The following GATA3 variants were observed in gnomAD, a reference collection of about 807,000 sequenced individuals.
The protein encoded by GATA3 is GATA binding protein 3, also known as trans-acting T-cell-specific transcription factor GATA-3.
Under a neutral mutation model 36.0 loss-of-function variants are expected in GATA3, and 6 were observed. That is an observed-to-expected ratio of 0.17 (90% CI 0.09 to 0.33). The LOEUF is 0.33. Ranked by LOEUF, GATA3 falls within the 10% of genes least tolerant of loss-of-function variation. The pLI, the probability that GATA3 is intolerant of heterozygous loss-of-function variation, is 1.00. For synonymous variants in GATA3, 326 were observed against 273.0 expected (o/e 1.19, Z -1.92); for missense variants, 514 against 610.1 (o/e 0.84, Z 1.66).
Position 8,055,803 on chromosome 10 carries a change from CTTT to C in GATA3, c.151_153del (p.Phe51del). 2 of 1,593,502 alleles carry C rather than the reference CTTT, an allele frequency of 1.3e-6. No homozygotes were observed. Among genetic ancestry groups the C allele is most frequent in the Non-Finnish European group, 1.7e-6 (2 of 1,170,152 alleles). ...CCCGCTGCCGGAGGAGGTGGATGTG[CTTT>C]TTAACATCGACGGTCAAGGCAACCA... On this transcript the variant is annotated inframe_deletion, in exon 2 of 6. Transcript: ENST00000379328. This position sits in a 1 kb window ranked among gnomAD's most constrained non-coding sequence, Gnocchi z 5.4.
In GATA3 at chr10:8,055,951, C is replaced by T. The variant is rs1390194631; in HGVS notation, c.241+55C>T. The T allele has an allele frequency of 1.3e-6, 2 of 1,548,370 alleles. No individual in the cohort carries two copies. Among genetic ancestry groups the T allele is most frequent in the Non-Finnish European group, 1.7e-6 (2 of 1,145,472 alleles). On this transcript the variant is annotated intron_variant, in intron 2 of 5. Coordinates refer to ENST00000379328, the MANE Select transcript of GATA3 (RefSeq NM_001002295.2). This position sits in a 1 kb window ranked among gnomAD's most constrained non-coding sequence, Gnocchi z 5.4. Reference sequence around the variant, plus strand: ...GCCGGCCGCTTCAGCCGTCCCGGCTCGGGGAGGTCGGGAGGGACCTGAGGG... The same window carrying T: ...GCCGGCCGCTTCAGCCGTCCCGGCTTGGGGAGGTCGGGAGGGACCTGAGGG...
chr10:8,074,807 A>T lies in GATA3; in HGVS notation c.*784A>T. On this transcript the variant is annotated 3_prime_UTR_variant, in exon 6 of 6. Coordinates refer to ENST00000379328, the MANE Select transcript of GATA3 (RefSeq NM_001002295.2). ...AAATTTATTTACTGCTAGTCTTAAG[A>T]ACTGCTTTCTTTCGTTTGTTTGTTT... 4.3e-6 allele frequency: 1 copy of T among 233,760 alleles called. No homozygotes were observed. Among genetic ancestry groups the T allele is most frequent in the Non-Finnish European group, 8.5e-6 (1 of 118,072 alleles). 14.5% of individuals were successfully genotyped at this position (233,760 alleles called of 1,614,324 possible).
At position 8,055,905 on chromosome 10, in the gene GATA3, G is replaced by A. The variant is rs753449980; in HGVS notation, c.241+9G>A. The A allele has an allele frequency of 6.4e-7, 1 of 1,553,148 alleles. No individual in the cohort carries two copies. Among genetic ancestry groups the A allele is most frequent in the Non-Finnish European group, 8.7e-7 (1 of 1,148,310 alleles). On this transcript the variant is annotated intron_variant, in intron 2 of 5. Coordinates refer to ENST00000379328, the MANE Select transcript of GATA3 (RefSeq NM_001002295.2). This position sits in a 1 kb window ranked among gnomAD's most constrained non-coding sequence, Gnocchi z 5.4. ...CCCTCCGACCCACCACGGTGAGTGC[G>A]CCCGGGGTGCCGGGGCTCCCGCCGG...
intron 2 of GATA3, among the ~76,000 whole-genome samples, chr10:8,057,156 T>C (rs1832654038): frequency 6.6e-6 from 1 of 152,128 alleles, no homozygotes; most frequent in South Asian, 2.1e-4. Flanking sequence ...AATATGAATC[T>C]TGACCCTTGG....
intron 3 of GATA3, among the ~76,000 whole-genome samples, chr10:8,061,415 C>T (rs986083828): frequency 1.3e-5 from 2 of 152,282 alleles, no homozygotes; most frequent in African/African-American, 4.8e-5. Context: ...GAGCAAGAGG[C>T]ATTTGCCAGC....
At position 8,074,036 on chromosome 10, in the gene GATA3, T is replaced by A; in HGVS notation, c.*13T>A. Reference sequence around the variant, plus strand: ...CGCCATGGGTTAGAGCCCTGCTCGATGCTCACAGGGCCCCCAGCGAGAGTC... The same window carrying A: ...CGCCATGGGTTAGAGCCCTGCTCGAAGCTCACAGGGCCCCCAGCGAGAGTC... On this transcript the variant is annotated 3_prime_UTR_variant, in exon 6 of 6. Coordinates refer to ENST00000379328, the MANE Select transcript of GATA3 (RefSeq NM_001002295.2). 1 of 1,613,622 alleles carries A rather than the reference T, an allele frequency of 6.2e-7. No homozygotes were observed. Among genetic ancestry groups the A allele is most frequent in the Non-Finnish European group, 8.5e-7 (1 of 1,179,704 alleles).
intron 4 of GATA3, among the ~76,000 whole-genome samples, chr10:8,066,768 A>G (rs936734175): frequency 1.3e-5 from 2 of 152,212 alleles, no homozygotes; most frequent in South Asian, 2.1e-4. Flanking sequence ...TTGCTTTAAT[A>G]TACTGTACCT....
rs757596536 is a variant in GATA3, at chr10:8,055,929, G to A, written c.241+33G>A. 1.3e-6 allele frequency: 2 copies of A among 1,550,000 alleles called. No homozygotes were observed. Among genetic ancestry groups the A allele is most frequent in the African/African-American group, 1.4e-5 (1 of 73,004 alleles). ...CGCCCGGGGTGCCGGGGCTCCCGCC[G>A]GCCGCTTCAGCCGTCCCGGCTCGGG... On this transcript the variant is annotated intron_variant, in intron 2 of 5. Transcript: ENST00000379328. This position sits in a 1 kb window ranked among gnomAD's most constrained non-coding sequence, Gnocchi z 5.4.
At chr10:8,062,512 A>G (rs1481553108) in intron 3 of GATA3, among the ~76,000 whole-genome samples, 3 of 152,000 alleles carry the variant, frequency 2.0e-5, no homozygotes, top group African/African-American at 7.2e-5. Flanking sequence ...CCCAAGTGTG[A>G]ACCCCCCTAG....
At chr10:8,065,634 T>A (rs1473165891) in intron 4 of GATA3, among the ~76,000 whole-genome samples, 1 of 151,568 alleles carries the variant, frequency 6.6e-6, no homozygotes, top group African/African-American at 2.4e-5. Flanking sequence ...GAGGCTTTAT[T>A]CTTTCTGATC....
chr10:8,057,605 T>C (rs1832662467), intron 2 of GATA3, among the ~76,000 whole-genome samples: 1 of 152,276 alleles, frequency 6.6e-6, no homozygotes, highest in Non-Finnish European at 1.5e-5. Flanking sequence ...CCTTGGGAAC[T>C]TTCTCCAACA....
At chr10:8,049,060 C>T (rs572416932), upstream of GATA3, among the ~76,000 whole-genome samples, 2 of 148,666 alleles carry the variant, frequency 1.3e-5, no homozygotes, top group Non-Finnish European at 1.5e-5. Context: ...GAGTTTTAAA[C>T]GGTGATCGAT....
chr10:8,064,391 C>T (rs1279554145), intron 4 of GATA3, among the ~76,000 whole-genome samples: 1 of 144,542 alleles, frequency 6.9e-6, no homozygotes, highest in African/African-American at 2.6e-5. Context: ...TCTTAAGTCG[C>T]TTGTGAACAT....
chr10:8,046,562 C>G (rs1832389645), intron 1 of GATA3, among the ~76,000 whole-genome samples: 1 of 151,756 alleles, frequency 6.6e-6, no homozygotes, highest in South Asian at 2.1e-4. Context: ...GTGGTAGTAG[C>G]AGTGGGTGGG....
upstream of GATA3, chr10:8,053,821 C>T (rs1341518223): frequency 6.6e-6 from 1 of 152,164 alleles, no homozygotes; most frequent in Non-Finnish European, 1.5e-5. This position sits in a 1 kb window ranked among gnomAD's most constrained non-coding sequence, Gnocchi z 5.1. Flanking sequence ...AGTTGGGTCC[C>T]TAGAGTGAAG....
At chr10:8,069,651 C>G in intron 5 of GATA3, 53 bp downstream of exon 5, 1 of 1,601,284 alleles carries the variant, frequency 6.2e-7, no homozygotes, top group South Asian at 1.1e-5. Context: ...TGGTGACCAG[C>G]AAACAGCGTC....
In GATA3 at chr10:8,070,383, G is replaced by GTT. The variant is rs538490026; in HGVS notation, c.1050+796_1050+797dup. Among the ~76,000 whole-genome samples the GTT allele has an allele frequency of 5.7e-3, 821 of 144,946 alleles. 3 individuals are homozygous for GTT. The highest frequency in any genetic ancestry group is 0.019 in the African/African-American group (771 of 39,700). On this transcript the variant is annotated intron_variant, in intron 5 of 5. Coordinates refer to ENST00000379328, the MANE Select transcript of GATA3 (RefSeq NM_001002295.2). ...TTAATCTTAAAAAATTTTTTTTTCA[G>GTT]TTTTTTTTTTTTCCTGAAATCATTC...
At position 8,074,116 on chromosome 10, in the gene GATA3, C is replaced by G; in HGVS notation, c.*93C>G. On this transcript the variant is annotated 3_prime_UTR_variant, in exon 6 of 6. Coordinates refer to ENST00000379328, the MANE Select transcript of GATA3 (RefSeq NM_001002295.2). The stretch of plus-strand genomic sequence containing the variant: ...CAGGAGCAGTATCATGAAGCCTAAA[C>G]GCGATGGATATATGTTTTTGAAGGC... 2 of 1,408,938 alleles carry G rather than the reference C, an allele frequency of 1.4e-6. No homozygotes were observed. The highest frequency in any genetic ancestry group is 1.9e-6 in the Non-Finnish European group (2 of 1,028,468). The allele number at this position is 1,408,938 out of a possible 1,614,324, so 87.3% of individuals were successfully genotyped here.
At chr10:8,068,713 A>G (rs534725760) in intron 4 of GATA3, among the ~76,000 whole-genome samples, 5 of 152,326 alleles carry the variant, frequency 3.3e-5, no homozygotes, top group Admixed American at 2.0e-4. Context: ...AGATCGCACC[A>G]CTGCACTCCA....
Sources: allele counts gnomAD v4.1 joint callset (sites outside exome capture counted in the v4.1 genomes callset), GRCh38; gene constraint gnomAD v4.1.1; non-coding constraint Gnocchi (gnomAD v3.1); transcripts MANE v1.5; gene names NCBI Gene and HGNC (gene_info 2026-07-23, HGNC 2026-07-21).